The following DAW1 variants were observed in gnomAD, a reference collection of about 807,000 sequenced individuals.
DAW1 encodes the protein dynein assembly factor with WD repeats 1, also known as dynein assembly factor with WD repeat domains 1.
A neutral mutation model predicts 56.5 loss-of-function variants in DAW1; 47 were observed. That is an observed-to-expected ratio of 0.83 (90% CI 0.66 to 1.06). The LOEUF is 1.06. DAW1 is among the 50% of genes least tolerant of loss of function. The pLI is 0.00. For synonymous variants in DAW1, 190 were observed against 179.0 expected (o/e 1.06, Z -0.49); for missense variants, 505 against 499.3 (o/e 1.01, Z -0.11).
intron 8 of DAW1, among the ~76,000 whole-genome samples, chr2:227,906,031 A>C (rs1028214203): frequency 2.0e-5 from 3 of 152,194 alleles, no homozygotes; most frequent in African/African-American, 7.2e-5. Flanking sequence ...CTGGGGTTAC[A>C]AGCGTGAGCC....
intron 1 of DAW1, among the ~76,000 whole-genome samples, chr2:227,882,601 G>A (rs1410005335): frequency 6.6e-6 from 1 of 152,240 alleles, no homozygotes; most frequent in Non-Finnish European, 1.5e-5. Flanking sequence ...CTGCTCTACA[G>A]TGAAGTCTGA....
At chr2:227,876,654 G>A (rs1690890387) in intron 1 of DAW1, among the ~76,000 whole-genome samples, 1 of 152,086 alleles carries the variant, frequency 6.6e-6, no homozygotes, top group Non-Finnish European at 1.5e-5. Context: ...TATAGGTCAG[G>A]GGCATTGTCT....
intron 5 of DAW1, 142 bp downstream of exon 5, chr2:227,894,059 CA>C: frequency 1.2e-6 from 1 of 847,924 alleles, no homozygotes; most frequent in Non-Finnish European, 1.7e-6. Flanking sequence ...ATACCTCCTT[CA>C]AAGCTTAAAA....
At chr2:227,881,170 G>A (rs1169656624) in intron 1 of DAW1, among the ~76,000 whole-genome samples, 3 of 152,260 alleles carry the variant, frequency 2.0e-5, no homozygotes, top group South Asian at 2.1e-4. Flanking sequence ...TGTAAGGACA[G>A]AGAATGTCCA....
chr2:227,894,466 G>A (rs1691360212), intron 5 of DAW1, among the ~76,000 whole-genome samples: 1 of 152,146 alleles, frequency 6.6e-6, no homozygotes, highest in Non-Finnish European at 1.5e-5. Context: ...TCGCACGGTA[G>A]TAAAGAGGAG....
intron 10 of DAW1, among the ~76,000 whole-genome samples, chr2:227,916,736 A>G (rs1691960595): frequency 6.6e-6 from 1 of 152,144 alleles, no homozygotes; most frequent in South Asian, 2.1e-4. Context: ...ATGTGATGCT[A>G]CACTATGTCT....
chr2:227,873,620 G>C (rs1690806914), intron 1 of DAW1, among the ~76,000 whole-genome samples: 1 of 152,128 alleles, frequency 6.6e-6, no homozygotes, highest in African/African-American at 2.4e-5. Flanking sequence ...CTCCTTCATA[G>C]AATTCCAGTT....
intron 2 of DAW1, among the ~76,000 whole-genome samples, chr2:227,888,972 T>A (rs1574653135): frequency 6.6e-6 from 1 of 152,158 alleles, no homozygotes; most frequent in African/African-American, 2.4e-5. Context: ...GGTTAGGCAT[T>A]TTTCTCTTTT....
intron 1 of DAW1, among the ~76,000 whole-genome samples, chr2:227,873,136 CT>C (rs1355787388): frequency 1.3e-5 from 2 of 152,156 alleles, no homozygotes; most frequent in Non-Finnish European, 2.9e-5. Flanking sequence ...TTGGACCCAG[CT>C]TTCCCTAGAG....
At chr2:227,876,434 G>C (rs1690884594) in intron 1 of DAW1, 1 of 1,301,992 alleles carries the variant, frequency 7.7e-7, no homozygotes, top group Admixed American at 2.3e-5. Flanking sequence ...TTTAATTTCT[G>C]AATTCCAGTC....
At chr2:227,874,376 C>T (rs565326524) in intron 1 of DAW1, among the ~76,000 whole-genome samples, 2 of 152,084 alleles carry the variant, frequency 1.3e-5, no homozygotes, top group Non-Finnish European at 1.5e-5. Context: ...TGGAAGAATA[C>T]TCTCCCCAAG....
chr2:227,915,388 A>G (rs537508538), intron 10 of DAW1, among the ~76,000 whole-genome samples: 37 of 152,070 alleles, frequency 2.4e-4, no homozygotes, highest in African/African-American at 8.9e-4. Context: ...TGTATATGCT[A>G]TTCTATATTT....
At chr2:227,881,993 C>T (rs1691023814) in intron 1 of DAW1, among the ~76,000 whole-genome samples, 1 of 152,108 alleles carries the variant, frequency 6.6e-6, no homozygotes, top group Non-Finnish European at 1.5e-5. Context: ...CTCAAGTGAT[C>T]CACCTGCCTT....
chr2:227,910,546 A>G (rs563053307), intron 10 of DAW1, among the ~76,000 whole-genome samples: 69 of 144,220 alleles, frequency 4.8e-4, no homozygotes, highest in Non-Finnish European at 9.9e-4. Flanking sequence ...CTAGACAGCC[A>G]TATGTGGTGT....
At chr2:227,907,455 G>A (rs1011543714) in intron 10 of DAW1, among the ~76,000 whole-genome samples, 4 of 152,140 alleles carry the variant, frequency 2.6e-5, no homozygotes, top group African/African-American at 9.7e-5. Flanking sequence ...TGCAATGTCT[G>A]TGTCACCTCC....
intron 1 of DAW1, among the ~76,000 whole-genome samples, chr2:227,880,779 T>C (rs1158672407): frequency 6.6e-6 from 1 of 152,186 alleles, no homozygotes; most frequent in East Asian, 1.9e-4. Context: ...TGTCCAACAC[T>C]GAGCAGGAAA....
At chr2:227,880,329 C>A (rs552995853) in intron 1 of DAW1, among the ~76,000 whole-genome samples, 1 of 150,554 alleles carries the variant, frequency 6.6e-6, no homozygotes, top group South Asian at 2.1e-4. Context: ...AATATTTTAA[C>A]AATGCTGTAA....
intron 10 of DAW1, among the ~76,000 whole-genome samples, chr2:227,917,462 G>A (rs966284809): frequency 2.4e-4 from 37 of 152,000 alleles, no homozygotes; most frequent in Admixed American, 3.3e-4. Flanking sequence ...GGGTTTCACC[G>A]TGTTAGCCAG....
Position 227,907,308 on chromosome 2 carries a change from A to C in DAW1, c.973+56A>C, listed in dbSNP as rs577843767. 5 of 1,417,254 alleles carry C rather than the reference A, an allele frequency of 3.5e-6. No homozygotes were observed. The African/African-American group carries it at 7.1e-5, about 20-fold the overall frequency. 87.8% of individuals were successfully genotyped at this position (1,417,254 alleles called of 1,614,324 possible). A position where few individuals can be genotyped will look rare whatever the true frequency, so the allele number is the denominator to read the frequency against. ...GGAGAGATTTATGCTTTGCTTGATA[A>C]CCATGCATAATTCTACACTATGGGT... On this transcript the variant is annotated intron_variant, in intron 10 of 12. Transcript: ENST00000309931.
Sources: gnomAD v4.1 joint callset for allele counts (sites outside exome capture counted in the v4.1 genomes callset) on GRCh38, gnomAD v4.1.1 for gene constraint, MANE v1.5 for transcripts, NCBI Gene and HGNC (gene_info 2026-07-23, HGNC 2026-07-21) for gene names.